HEG1: variants seen among roughly 807,000 people sequenced by gnomAD.
HEG1 encodes the protein protein HEG homolog 1.
In HEG1, 56 loss-of-function variants were observed where a neutral mutation model predicts 125.6. The observed-to-expected ratio is 0.45, with a 90% confidence interval of 0.36 to 0.56. The LOEUF is 0.56. Ranked by LOEUF, HEG1 falls within the 20% of genes least tolerant of loss-of-function variation. The probability of loss-of-function intolerance (pLI) is 0.00; values close to 1 mark genes in which losing one functional copy is unlikely to be tolerated. For synonymous variants in HEG1, 644 were observed against 668.5 expected (o/e 0.96, Z 0.57); for missense variants, 1,523 against 1,670.0 (o/e 0.91, Z 1.53).
At chr3:124,971,484 T>TTTTCTTTTTCTTTTTC (rs1350929986) in intron 16 of HEG1, among the ~76,000 whole-genome samples, 1 of 151,544 alleles carries the variant, frequency 6.6e-6, no homozygotes, top group East Asian at 1.9e-4. Flanking sequence ...CTTTCTTTTC[T>TTTTCTTTTTCTTTTTC]TTTCTTTTTC....
chr3:124,980,554 T>C (rs1036099278), intron 14 of HEG1, among the ~76,000 whole-genome samples: 1 of 152,162 alleles, frequency 6.6e-6, no homozygotes, highest in Non-Finnish European at 1.5e-5. Flanking sequence ...TCTGGCTCCA[T>C]TGCCCAGGCT....
chr3:125,045,370 C>T (rs1579439443), intron 1 of HEG1, among the ~76,000 whole-genome samples: 1 of 152,228 alleles, frequency 6.6e-6, no homozygotes, highest in South Asian at 2.1e-4. Flanking sequence ...AGACAACTCT[C>T]TCCCTCTGGA....
chr3:125,042,580 T>C (rs1328824917), intron 1 of HEG1, among the ~76,000 whole-genome samples: 1 of 152,220 alleles, frequency 6.6e-6, no homozygotes, highest in East Asian at 1.9e-4. Flanking sequence ...ATGATGCTTC[T>C]GGGGTGTGAG....
chr3:125,026,352 G>C (rs951760275), intron 3 of HEG1, among the ~76,000 whole-genome samples: 1 of 152,074 alleles, frequency 6.6e-6, no homozygotes, highest in Non-Finnish European at 1.5e-5. Context: ...AGTCTCTCTG[G>C]GCAGAGAGGC....
intron 11 of HEG1, among the ~76,000 whole-genome samples, chr3:125,001,399 C>T (rs544568508): frequency 6.6e-6 from 1 of 152,120 alleles, no homozygotes; most frequent in Non-Finnish European, 1.5e-5. Context: ...GTACCTCAGC[C>T]TCCCATAGTA....
chr3:125,007,186 G>C (rs896945352), intron 8 of HEG1, among the ~76,000 whole-genome samples: 1 of 129,240 alleles, frequency 7.7e-6, no homozygotes, highest in Non-Finnish European at 1.6e-5. Context: ...GCGACAGAGC[G>C]AGACTCCGTC....
intron 1 of HEG1, among the ~76,000 whole-genome samples, chr3:125,051,834 G>A (rs1050125488): frequency 3.5e-4 from 54 of 152,328 alleles, no homozygotes; most frequent in African/African-American, 1.1e-3. Flanking sequence ...TCTGGACAAG[G>A]ACAAGTTAAA....
intron 14 of HEG1, among the ~76,000 whole-genome samples, chr3:124,987,611 C>G (rs548618194): frequency 7.3e-6 from 1 of 137,762 alleles, no homozygotes; most frequent in Non-Finnish European, 1.5e-5. Flanking sequence ...CAAGCTCCGC[C>G]CCCCCAGGTT....
chr3:125,051,624 G>A (rs1030050741), intron 1 of HEG1, among the ~76,000 whole-genome samples: 6 of 152,190 alleles, frequency 3.9e-5, no homozygotes, highest in African/African-American at 1.4e-4. Flanking sequence ...TCAAAGGCCA[G>A]GGAGTCAAAA....
rs1404581112 is a variant in HEG1 at position 125,055,962 on chromosome 3, G to GGCGT, written c.-73_-72insACGC. ...GGCAGCGGGCAGCGGGCAGCGGGCG[G>GGCGT]CGGGGGCCGCGCGGGGCCGGGGAAG... is the stretch of plus-strand genomic sequence containing the variant. On this transcript the variant is annotated 5_prime_UTR_variant, in exon 1 of 17. Transcript: ENST00000311127. 2 of 857,376 alleles carry GGCGT rather than the reference G, an allele frequency of 2.3e-6. No homozygotes were observed. The highest frequency in any genetic ancestry group is 1.2e-4 in the East Asian group (1 of 8,154). 53.1% of individuals were successfully genotyped at this position (857,376 alleles called of 1,614,324 possible). A position where few individuals can be genotyped will look rare whatever the true frequency, so the allele number is the denominator to read the frequency against.
At chr3:125,048,592 A>T (rs548471532) in intron 1 of HEG1, among the ~76,000 whole-genome samples, 10 of 152,360 alleles carry the variant, frequency 6.6e-5, no homozygotes, top group African/African-American at 2.4e-4. Context: ...GCAGAGCAAG[A>T]GAAGGTGAGA....
chr3:124,987,952 C>CACACACACACACACACATATATATAT, intron 14 of HEG1, among the ~76,000 whole-genome samples: 19 of 54,700 alleles, frequency 3.5e-4, no homozygotes, highest in East Asian at 4.7e-4. Context: ...CACACACACA[C>CACACACACACACACACATATATATAT]ATATATATAT....
chr3:125,031,739 T>TAC (rs1244150876), intron 1 of HEG1, among the ~76,000 whole-genome samples: 1 of 147,648 alleles, frequency 6.8e-6, no homozygotes, highest in African/African-American at 2.5e-5. Flanking sequence ...CAGGCACACA[T>TAC]ACACACACAT....
chr3:124,982,265 T>C lies in HEG1; in HGVS notation c.3734-4319A>G, dbSNP rs148943126. Among the ~76,000 whole-genome samples, 31 of 152,368 alleles carry C rather than the reference T, an allele frequency of 2.0e-4. No individual in the cohort carries two copies. The South Asian group carries it at 3.7e-3, about 18-fold the overall frequency. On this transcript the variant is annotated intron_variant, in intron 14 of 16. Coordinates refer to ENST00000311127, the MANE Select transcript of HEG1 (RefSeq NM_020733.2). ...CAGCCATGTCACTGTAACCTTGTAA[T>C]ATCCCCCAGAGATCTTCTTAAAATC...
chr3:125,017,960 C>T (rs921606698), intron 5 of HEG1, among the ~76,000 whole-genome samples: 2 of 151,442 alleles, frequency 1.3e-5, no homozygotes, highest in African/African-American at 4.9e-5. Context: ...ACCCGGAAGT[C>T]GGAGATTGCA....
At chr3:125,029,716 C>A (rs1937471357) in intron 1 of HEG1, among the ~76,000 whole-genome samples, 1 of 152,072 alleles carries the variant, frequency 6.6e-6, no homozygotes, top group Admixed American at 6.5e-5. Flanking sequence ...ATGGTAAAAC[C>A]CTGTCTCTAT....
chr3:125,055,527 GC>G, intron 1 of HEG1, 47 bp downstream of exon 1: 1 of 1,138,314 alleles, frequency 8.8e-7, no homozygotes, highest in African/African-American at 1.6e-5. Context: ...GCGCGCCCAC[GC>G]CCCCAGCACA....
At chr3:125,002,829 T>C (rs114977209) in intron 9 of HEG1, among the ~76,000 whole-genome samples, 1,616 of 152,320 alleles carry the variant, frequency 0.011, 28 homozygotes, top group African/African-American at 0.036. Flanking sequence ...AGCCCCTTTG[T>C]TGAGAGCAAA....
chr3:125,014,163 C>T (rs970653414), intron 5 of HEG1, among the ~76,000 whole-genome samples, 173 bp from the exon 6 acceptor site: 2 of 152,100 alleles, frequency 1.3e-5, no homozygotes, highest in East Asian at 3.8e-4. Flanking sequence ...ACATTGTGGG[C>T]AGGCAGGAGT....
Sources: gnomAD v4.1 joint callset for allele counts (sites outside exome capture counted in the v4.1 genomes callset) on GRCh38, gnomAD v4.1.1 for gene constraint, MANE v1.5 for transcripts, NCBI Gene and HGNC (gene_info 2026-07-23, HGNC 2026-07-21) for gene names.